Variants in OR2A1 observed in about 807,000 individuals in gnomAD.
OR2A1 encodes the protein olfactory receptor family 2 subfamily A member 1.
For synonymous variants in OR2A1, 2 were observed against 94.7 expected (o/e 0.02, Z 5.68); for missense variants, 1 against 212.3 (o/e 0.00, Z 6.19).
At position 144,320,518 on chromosome 7, in the gene OR2A1, TA is replaced by T. The variant is rs2053147984; in HGVS notation, c.*1466del. On this transcript the variant is annotated 3_prime_UTR_variant, in exon 2 of 2. Coordinates refer to ENST00000641044, the MANE Select transcript of OR2A1 (RefSeq NM_001005287.2). ...CAAGTAAGAGCTCTTTAAGTCCTCA[TA>T]AAAACCCTATGAGGTAGAGACTATT... 2 of 115,450 alleles carry T rather than the reference TA, an allele frequency of 1.7e-5. No individual in the cohort carries two copies. The highest frequency in any genetic ancestry group is 5.5e-4 in the South Asian group (2 of 3,650). 7.2% of individuals were successfully genotyped at this position (115,450 alleles called of 1,614,324 possible). A position where few individuals can be genotyped will look rare whatever the true frequency, so the allele number is the denominator to read the frequency against.
intron 1 of OR2A1, among the ~76,000 whole-genome samples, chr7:144,316,332 CT>C (rs1237334202): frequency 2.7e-5 from 4 of 148,084 alleles, no homozygotes; most frequent in Non-Finnish European, 4.5e-5. Context: ...TTAACTTTTT[CT>C]TTTCTAACTT....
chr7:144,320,305 G>A lies in OR2A1; in HGVS notation c.*1248G>A, dbSNP rs2053144155. ...AGAACACAGACAGGGTGGGAGTAGA[G>A]GCTGTTCTCAATGAGATTAGAGAGT... is the stretch of plus-strand genomic sequence containing the variant. On this transcript the variant is annotated 3_prime_UTR_variant, in exon 2 of 2. Transcript: ENST00000641044. The A allele has an allele frequency of 9.2e-6, 1 of 108,192 alleles. No individual in the cohort carries two copies. Among genetic ancestry groups the A allele is most frequent in the Non-Finnish European group, 1.7e-5 (1 of 58,430 alleles). The allele number at this position is 108,192 out of a possible 1,614,324, so 6.7% of individuals were successfully genotyped here. A position where few individuals can be genotyped will look rare whatever the true frequency, so the allele number is the denominator to read the frequency against.
rs1479477708 is a variant in OR2A1 at position 144,320,244 on chromosome 7, T to C, written c.*1187T>C. ...TCCTGTTTGACGAGTCCTGTGGGCA[T>C]GGCTGCAAAGGAGGTTAAGAGATTC... On this transcript the variant is annotated 3_prime_UTR_variant, in exon 2 of 2. Coordinates refer to ENST00000641044, the MANE Select transcript of OR2A1 (RefSeq NM_001005287.2). The C allele has an allele frequency of 1.9e-4, 12 of 62,560 alleles. No homozygotes were observed. The highest frequency in any genetic ancestry group is 2.8e-4 in the Non-Finnish European group (10 of 36,012). The allele number at this position is 62,560 out of a possible 1,614,324, so 3.9% of individuals were successfully genotyped here.
At chr7:144,313,213 G>T (rs141377185) in intron 1 of OR2A1, among the ~76,000 whole-genome samples, 1,071 of 101,954 alleles carry the variant, frequency 0.011, 23 homozygotes, top group African/African-American at 0.037. Flanking sequence ...GAAGAATGTG[G>T]AGAGTTCATT....
intron 1 of OR2A1, among the ~76,000 whole-genome samples, chr7:144,313,361 CAAAT>C (rs1273279068): frequency 1.2e-5 from 1 of 85,808 alleles, no homozygotes; most frequent in Non-Finnish European, 2.2e-5. Flanking sequence ...ATCAATAAAT[CAAAT>C]GAATGAATGA....
chr7:144,315,010 AT>A lies in OR2A1; in HGVS notation c.-5+2473del, dbSNP rs78910705. The stretch of plus-strand genomic sequence containing the variant: ...GTAAATTTTCTTAAAATATTATGTG[AT>A]TTTTTTTTTAAGTTCGTTAGCCATC... On this transcript the variant is annotated intron_variant, in intron 1 of 1. Coordinates refer to ENST00000641044, the MANE Select transcript of OR2A1 (RefSeq NM_001005287.2). 2.0e-3 allele frequency among the ~76,000 whole-genome samples: 102 copies of A among 50,058 alleles called. 32 individuals carry two copies. Among genetic ancestry groups the A allele is most frequent in the Admixed American group, 3.1e-3 (12 of 3,848 alleles). 32.8% of individuals were successfully genotyped at this position (50,058 alleles called of 152,430 possible).
intron 1 of OR2A1, among the ~76,000 whole-genome samples, chr7:144,316,201 TTG>T (rs2053076024): frequency 6.7e-6 from 1 of 149,666 alleles, no homozygotes; most frequent in South Asian, 2.1e-4. Context: ...TAGAATTTAT[TTG>T]TGTCTTGCTG....
chr7:144,320,828 AAAC>A lies in OR2A1; in HGVS notation c.*1774_*1776del, dbSNP rs1209262821. On this transcript the variant is annotated 3_prime_UTR_variant, in exon 2 of 2. Transcript: ENST00000641044. ...AAAACAAACAAACAAACAAACAAAC[AAAC>A]AAAAAACAGCTTTTTTTATACTGGT... The A allele has an allele frequency of 2.2e-5, 1 of 44,684 alleles. No homozygotes were observed. Among genetic ancestry groups the A allele is most frequent in the Non-Finnish European group, 3.8e-5 (1 of 26,132 alleles). 2.8% of individuals were successfully genotyped at this position (44,684 alleles called of 1,614,324 possible).
chr7:144,320,544 T>C lies in OR2A1; in HGVS notation c.*1487T>C, dbSNP rs1324356089. The C allele has an allele frequency of 3.1e-5, 3 of 96,936 alleles. No individual in the cohort carries two copies. The highest frequency in any genetic ancestry group is 1.1e-4 in the Admixed American group (1 of 9,324). The allele number at this position is 96,936 out of a possible 1,614,324, so 6.0% of individuals were successfully genotyped here. On this transcript the variant is annotated 3_prime_UTR_variant, in exon 2 of 2. Transcript: ENST00000641044. ...AAAAACCCTATGAGGTAGAGACTAT[T>C]ACTACTATTTTTAGGCGAGAAAACA...
In OR2A1 at chr7:144,320,797, G is replaced by C; in HGVS notation, c.*1740G>C. 1 of 31,948 alleles carries C rather than the reference G, an allele frequency of 3.1e-5. No individual in the cohort carries two copies. The highest frequency in any genetic ancestry group is 5.5e-5 in the Non-Finnish European group (1 of 18,080). 2.0% of individuals were successfully genotyped at this position (31,948 alleles called of 1,614,324 possible). ...TCCAGACAGAAAAGTACTTAAAGCT[G>C]GGGGAAAAACAAACAAACAAACAAA... On this transcript the variant is annotated 3_prime_UTR_variant, in exon 2 of 2. Transcript: ENST00000641044.
chr7:144,319,247 A>AG lies in OR2A1; in HGVS notation c.*191dup. 1 of 602,982 alleles carries AG rather than the reference A, an allele frequency of 1.7e-6. No homozygotes were observed. The highest frequency in any genetic ancestry group is 3.0e-6 in the Non-Finnish European group (1 of 331,624). The allele number at this position is 602,982 out of a possible 1,614,324, so 37.4% of individuals were successfully genotyped here. A position where few individuals can be genotyped will look rare whatever the true frequency, so the allele number is the denominator to read the frequency against. On this transcript the variant is annotated 3_prime_UTR_variant, in exon 2 of 2. Transcript: ENST00000641044. ...GTTATACTTAACATTTTTTAATTTAAGCACTTATTGAGTTGAGAATGTCGG... is the reference window on the plus strand; with the variant it reads ...GTTATACTTAACATTTTTTAATTTAAGGCACTTATTGAGTTGAGAATGTCGG...
At chr7:144,315,760 C>T (rs1029536) in intron 1 of OR2A1, among the ~76,000 whole-genome samples, 16 of 100,112 alleles carry the variant, frequency 1.6e-4, no homozygotes, top group African/African-American at 4.0e-4. Flanking sequence ...TTTGGGAGGC[C>T]GAGGTGGGAG....
Position 144,321,783 on chromosome 7 carries a change from CT to C in OR2A1, c.*2727del. 1 of 149,116 alleles carries C rather than the reference CT, an allele frequency of 6.7e-6. No individual in the cohort carries two copies. The highest frequency in any genetic ancestry group is 2.1e-4 in the South Asian group (1 of 4,782). The allele number at this position is 149,116 out of a possible 1,614,324, so 9.2% of individuals were successfully genotyped here. The stretch of plus-strand genomic sequence containing the variant: ...AAGTGCTATGTGAACATAAGATAAA[CT>C]GTTATGATTACCCTGCTGTCAGAAG... On this transcript the variant is annotated 3_prime_UTR_variant, in exon 2 of 2. Transcript: ENST00000641044.
In OR2A1 at chr7:144,321,001, T is replaced by C. The variant is rs2053155062; in HGVS notation, c.*1944T>C. ...TTGATGGTTCATCAATTGAAGAACA[T>C]TAGAAAGTGTTTTTGTAAATTATCT... On this transcript the variant is annotated 3_prime_UTR_variant, in exon 2 of 2. Transcript: ENST00000641044. The C allele has an allele frequency of 1.2e-5, 1 of 84,838 alleles. No homozygotes were observed. Among genetic ancestry groups the C allele is most frequent in the Non-Finnish European group, 2.3e-5 (1 of 43,568 alleles). 5.3% of individuals were successfully genotyped at this position (84,838 alleles called of 1,614,324 possible).
In OR2A1 at chr7:144,321,950, G is replaced by A. The variant is rs1409078277; in HGVS notation, c.*2893G>A. ...CCTTGTCCCCCCTAGAGGCACAGGA[G>A]GCCACTCACTCTTGGAGGGCATAGC... On this transcript the variant is annotated 3_prime_UTR_variant, in exon 2 of 2. Coordinates refer to ENST00000641044, the MANE Select transcript of OR2A1 (RefSeq NM_001005287.2). 2.2e-5 allele frequency: 2 copies of A among 92,824 alleles called. No individual in the cohort carries two copies. The highest frequency in any genetic ancestry group is 4.2e-5 in the Non-Finnish European group (2 of 47,550). The allele number at this position is 92,824 out of a possible 1,614,324, so 5.8% of individuals were successfully genotyped here.
At position 144,322,396 on chromosome 7, in the gene OR2A1, T is replaced by G. The variant is rs1305938487; in HGVS notation, c.*3339T>G. On this transcript the variant is annotated 3_prime_UTR_variant, in exon 2 of 2. Transcript: ENST00000641044. ...AAATCCCTCTAATTTTAGGTTATACTACAGTAGAAATTTAATTGTAGCTGA... is the reference window on the plus strand; with the variant it reads ...AAATCCCTCTAATTTTAGGTTATACGACAGTAGAAATTTAATTGTAGCTGA... 3.3e-5 allele frequency: 5 copies of G among 150,838 alleles called. No homozygotes were observed. The highest frequency in any genetic ancestry group is 2.6e-4 in the Admixed American group (4 of 15,240). The allele number at this position is 150,838 out of a possible 1,614,324, so 9.3% of individuals were successfully genotyped here.
rs1346637190 is a variant in OR2A1 at position 144,322,645 on chromosome 7, C to T, written c.*3588C>T. ...CTGTAAATAAATTCTGAGCCACTCT[C>T]TTGCAGAGGACCTCCTGATATTCAT... is the stretch of plus-strand genomic sequence containing the variant. On this transcript the variant is annotated 3_prime_UTR_variant, in exon 2 of 2. Coordinates refer to ENST00000641044, the MANE Select transcript of OR2A1 (RefSeq NM_001005287.2). 6.7e-6 allele frequency: 1 copy of T among 150,126 alleles called. No individual in the cohort carries two copies. The highest frequency in any genetic ancestry group is 1.5e-5 in the Non-Finnish European group (1 of 67,618). 9.3% of individuals were successfully genotyped at this position (150,126 alleles called of 1,614,324 possible). A position where few individuals can be genotyped will look rare whatever the true frequency, so the allele number is the denominator to read the frequency against.
At chr7:144,313,501 A>T in intron 1 of OR2A1, among the ~76,000 whole-genome samples, 1 of 136,060 alleles carries the variant, frequency 7.3e-6, no homozygotes, top group Non-Finnish European at 1.6e-5. Context: ...GAAAGACACT[A>T]CTATTTCTCC....
At position 144,318,744 on chromosome 7, in the gene OR2A1, TGGG is replaced by T; in HGVS notation, c.622_624del (p.Gly208del). On this transcript the variant is annotated inframe_deletion, in exon 2 of 2. Transcript: ENST00000641044. The stretch of plus-strand genomic sequence containing the variant: ...TTTGCAGCCTGCGTGTTCTTCCTGG[TGGG>T]GCCACCCAGCCTGGTGCTTGTCTCC... The T allele has an allele frequency of 1.8e-6, 1 of 546,834 alleles. No individual in the cohort carries two copies. Among genetic ancestry groups the T allele is most frequent in the East Asian group, 2.9e-5 (1 of 34,734 alleles). The allele number at this position is 546,834 out of a possible 1,614,324, so 33.9% of individuals were successfully genotyped here.
Sources: allele counts gnomAD v4.1 joint callset (sites outside exome capture counted in the v4.1 genomes callset), GRCh38; gene constraint gnomAD v4.1.1; transcripts MANE v1.5; gene names NCBI Gene and HGNC (gene_info 2026-07-23, HGNC 2026-07-21).